The following DOCK5 variants were observed in gnomAD, a reference collection of about 807,000 sequenced individuals.
The protein encoded by DOCK5 is dedicator of cytokinesis protein 5.
Under a neutral mutation model 251.8 loss-of-function variants are expected in DOCK5, and 142 were observed. The ratio of observed to expected loss-of-function variants is 0.56; its 90% CI spans 0.49 to 0.65. DOCK5 has a LOEUF of 0.65. DOCK5 is among the 30% of genes least tolerant of loss of function. The pLI, the probability that DOCK5 is intolerant of heterozygous loss-of-function variation, is 0.00. For missense variants in DOCK5, 2,111 were observed against 2,312.3 expected, an observed-to-expected ratio of 0.91 and a Z score of 1.79; for synonymous variants, 842 against 835.5, an observed-to-expected ratio of 1.01 and a Z score of -0.13.
intron 13 of DOCK5, among the ~76,000 whole-genome samples, chr8:25,314,253 A>C (rs1805178306): frequency 6.6e-6 from 1 of 151,732 alleles, no homozygotes; most frequent in African/African-American, 2.4e-5. Context: ...CCAGGACTAC[A>C]AGCATGAGCC....
intron 40 of DOCK5, among the ~76,000 whole-genome samples, chr8:25,386,322 C>T (rs1012823807): frequency 6.6e-6 from 1 of 152,126 alleles, no homozygotes; most frequent in South Asian, 2.1e-4. Context: ...GTGACTCATG[C>T]CTGTAATCCC....
At chr8:25,260,796 CT>C (rs756698835) in intron 2 of DOCK5, among the ~76,000 whole-genome samples, 4,009 of 146,304 alleles carry the variant, frequency 0.027, 60 homozygotes, top group African/African-American at 0.031. Flanking sequence ...TTCTTTCTTT[CT>C]TTTTTTTTTT....
At position 25,268,904 on chromosome 8, in the gene DOCK5, T is replaced by G. The variant is rs1289521847; in HGVS notation, c.168+19T>G. 3 of 1,542,040 alleles carry G rather than the reference T, an allele frequency of 1.9e-6. No individual in the cohort carries two copies. The South Asian group carries it at 3.6e-5, about 19-fold the overall frequency. On this transcript the variant is annotated intron_variant, in intron 3 of 51. Coordinates refer to ENST00000276440, the MANE Select transcript of DOCK5 (RefSeq NM_024940.8). Reference sequence around the variant, plus strand: ...TAAAAAGGTATGACTTATCATTCACTTTTTAATTTCATTTGAAATCTGTCT... The same window carrying G: ...TAAAAAGGTATGACTTATCATTCACGTTTTAATTTCATTTGAAATCTGTCT...
At chr8:25,260,267 T>A (rs1391251288) in intron 2 of DOCK5, among the ~76,000 whole-genome samples, 4 of 152,154 alleles carry the variant, frequency 2.6e-5, no homozygotes, top group African/African-American at 9.7e-5. Flanking sequence ...TCATTTACTG[T>A]GTTTTATCCA....
At chr8:25,401,557 A>G (rs1388672750) in intron 47 of DOCK5, among the ~76,000 whole-genome samples, 1 of 152,134 alleles carries the variant, frequency 6.6e-6, no homozygotes, top group Non-Finnish European at 1.5e-5. Context: ...ACATGGTGAA[A>G]CACCATCTCT....
intron 7 of DOCK5, among the ~76,000 whole-genome samples, chr8:25,296,912 T>G (rs148297450): frequency 5.3e-5 from 8 of 152,190 alleles, no homozygotes; most frequent in African/African-American, 1.9e-4. Context: ...TTTCAAAAAA[T>G]GTATATAAAT....
chr8:25,378,445 A>T (rs994103315), intron 38 of DOCK5, among the ~76,000 whole-genome samples: 1 of 152,200 alleles, frequency 6.6e-6, no homozygotes, highest in Non-Finnish European at 1.5e-5. Flanking sequence ...AGATTTTGCA[A>T]ACAATGATTT....
At chr8:25,289,774 G>A (rs1175235356) in intron 5 of DOCK5, among the ~76,000 whole-genome samples, 10 of 151,998 alleles carry the variant, frequency 6.6e-5, no homozygotes, top group African/African-American at 2.4e-4. Flanking sequence ...CGCGGGATGG[G>A]GAGGTTGTCG....
At chr8:25,250,312 C>T (rs567591503) in intron 2 of DOCK5, among the ~76,000 whole-genome samples, 5 of 152,302 alleles carry the variant, frequency 3.3e-5, no homozygotes, top group East Asian at 3.9e-4. Context: ...ACTGCTCATC[C>T]GTTACAGGTC....
chr8:25,380,043 C>T (rs1228299198), intron 38 of DOCK5, among the ~76,000 whole-genome samples: 2 of 152,138 alleles, frequency 1.3e-5, no homozygotes, highest in Admixed American at 6.6e-5. Context: ...CTTTTTTGGG[C>T]GACACATGGT....
chr8:25,365,608 C>T (rs1234328574), intron 30 of DOCK5, among the ~76,000 whole-genome samples: 4 of 152,186 alleles, frequency 2.6e-5, no homozygotes, highest in East Asian at 3.8e-4. Flanking sequence ...CTTGGTTACA[C>T]CCTATGTAAA....
chr8:25,363,928 A>T (rs1363412916), intron 29 of DOCK5, among the ~76,000 whole-genome samples: 1 of 152,204 alleles, frequency 6.6e-6, no homozygotes, highest in African/African-American at 2.4e-5. Flanking sequence ...TCGATTTTCC[A>T]TACCCCATTC....
intron 31 of DOCK5, among the ~76,000 whole-genome samples, chr8:25,367,610 C>T (rs1249809484): frequency 6.6e-6 from 1 of 152,158 alleles, no homozygotes; most frequent in Non-Finnish European, 1.5e-5. Flanking sequence ...TTTAGTGTCC[C>T]TCTACTTCTG....
intron 40 of DOCK5, among the ~76,000 whole-genome samples, chr8:25,387,937 A>G (rs1188213233): frequency 3.3e-5 from 5 of 152,164 alleles, no homozygotes; most frequent in Non-Finnish European, 5.9e-5. Context: ...CTAGCGTTGT[A>G]TTACACTCTG....
intron 2 of DOCK5, among the ~76,000 whole-genome samples, chr8:25,260,232 G>A (rs185810939): frequency 3.7e-4 from 57 of 152,280 alleles, no homozygotes; most frequent in Admixed American, 3.7e-3. Context: ...CTGGCCCACA[G>A]GGGATGGAGC....
At chr8:25,203,201 T>C (rs1343093847) in intron 1 of DOCK5, among the ~76,000 whole-genome samples, 1 of 152,234 alleles carries the variant, frequency 6.6e-6, no homozygotes, top group Non-Finnish European at 1.5e-5. Flanking sequence ...GACTATCTTA[T>C]GTGCCTGAAA....
chr8:25,304,228 C>T (rs898853205), intron 10 of DOCK5, 27 bp from the exon 11 acceptor site: 6 of 1,564,552 alleles, frequency 3.8e-6, no homozygotes, highest in Non-Finnish European at 5.2e-6. Context: ...CAATTAGTTT[C>T]TTTAATGAAG....
intron 2 of DOCK5, among the ~76,000 whole-genome samples, chr8:25,252,310 T>C (rs1803293102): frequency 6.6e-6 from 1 of 152,230 alleles, no homozygotes; most frequent in African/African-American, 2.4e-5. Context: ...TAATAGAATG[T>C]GTAAAAGTTT....
intron 42 of DOCK5, among the ~76,000 whole-genome samples, chr8:25,390,552 G>A (rs1157998889): frequency 6.6e-6 from 1 of 152,194 alleles, no homozygotes; most frequent in Non-Finnish European, 1.5e-5. Context: ...TACTTTGAGT[G>A]TAAGATAAAA....
Sources: allele counts gnomAD v4.1 joint callset (sites outside exome capture counted in the v4.1 genomes callset), GRCh38; gene constraint gnomAD v4.1.1; transcripts MANE v1.5; gene names NCBI Gene and HGNC (gene_info 2026-07-23, HGNC 2026-07-21).